Variants in DPP10 observed in about 807,000 individuals in gnomAD.
DPP10 encodes inactive dipeptidyl peptidase 10.
In DPP10, 33 loss-of-function variants were observed where a neutral mutation model predicts 120.9. The ratio of observed to expected loss-of-function variants is 0.27; its 90% CI spans 0.21 to 0.37. The LOEUF is 0.37. Ranked by LOEUF, DPP10 falls within the 10% of genes least tolerant of loss-of-function variation. The pLI is 1.00. For synonymous variants in DPP10, 337 were observed against 326.1 expected (o/e 1.03, Z -0.36); for missense variants, 816 against 942.8 (o/e 0.87, Z 1.76).
At chr2:114,935,502 A>G (rs1385565276) in intron 1 of DPP10, among the ~76,000 whole-genome samples, 1 of 152,166 alleles carries the variant, frequency 6.6e-6, no homozygotes, top group Non-Finnish European at 1.5e-5. Context: ...TATCAGAATT[A>G]TGGATAAGAT....
intron 3 of DPP10, among the ~76,000 whole-genome samples, chr2:115,371,722 A>C (rs1395952469): frequency 6.6e-6 from 1 of 152,148 alleles, no homozygotes; most frequent in Non-Finnish European, 1.5e-5. Flanking sequence ...CTGATATCCA[A>C]ATATTTTTAT....
rs1687054634 is a variant in DPP10, at chr2:115,814,909, T to A, written c.1817T>A (p.Phe606Tyr). Residue 606 changes from phenylalanine to tyrosine, a missense_variant, in exon 20 of 26, where the codon TTC becomes TAC. Transcript: ENST00000410059. ...VARFDGRGSG[F>Y]QGLKILQEIH... ...AGATTTGATGGCAGAGGAAGTGGAT[T>A]CCAGGGTCTGAAAATTTTGCAGGAG... is the stretch of plus-strand genomic sequence containing the variant. The A allele has an allele frequency of 6.2e-7, 1 of 1,613,130 alleles. No homozygotes were observed. Among genetic ancestry groups the A allele is most frequent in the East Asian group, 2.2e-5 (1 of 44,842 alleles).
chr2:115,810,285 G>A (rs1686492947), intron 19 of DPP10, among the ~76,000 whole-genome samples: 1 of 152,046 alleles, frequency 6.6e-6, no homozygotes, highest in Admixed American at 6.6e-5. Context: ...AGGTACCTCA[G>A]CAGATTGGTA....
At chr2:115,379,793 C>G (rs2106457691) in intron 3 of DPP10, among the ~76,000 whole-genome samples, 1 of 152,238 alleles carries the variant, frequency 6.6e-6, no homozygotes. Flanking sequence ...TTTATTTCTG[C>G]CTTCATTTCA....
chr2:114,573,343 A>T (rs1225079017), intron 1 of DPP10, among the ~76,000 whole-genome samples: 1 of 152,198 alleles, frequency 6.6e-6, no homozygotes, highest in African/African-American at 2.4e-5. Flanking sequence ...AAAGATCTTC[A>T]TTTGGTCAAG....
intron 1 of DPP10, among the ~76,000 whole-genome samples, chr2:115,129,107 C>G (rs961809437): frequency 2.6e-5 from 4 of 152,142 alleles, no homozygotes; most frequent in African/African-American, 9.7e-5. Context: ...TCTGTCTGGA[C>G]CAAATGATTT....
At chr2:115,696,734 T>C (rs1270138401) in intron 7 of DPP10, among the ~76,000 whole-genome samples, 1 of 152,180 alleles carries the variant, frequency 6.6e-6, no homozygotes, top group East Asian at 1.9e-4. Flanking sequence ...GTTACAATGA[T>C]TTGTAACTGC....
intron 3 of DPP10, 72 bp from the exon 4 acceptor site, chr2:115,499,438 G>A (rs952626375): frequency 1.1e-5 from 14 of 1,249,642 alleles, no homozygotes; most frequent in Admixed American, 6.3e-5. Context: ...TATTTTGCAC[G>A]TTTTCTCCCC....
At chr2:115,753,322 A>G (rs191782807) in intron 11 of DPP10, 25 bp downstream of exon 11, 277 of 1,579,102 alleles carry the variant, frequency 1.8e-4, no homozygotes, top group South Asian at 1.1e-3. Flanking sequence ...TTTTTCTTTT[A>G]TGCCTAAAAT....
chr2:114,753,177 A>G (rs1486691079), intron 1 of DPP10, among the ~76,000 whole-genome samples: 7 of 152,148 alleles, frequency 4.6e-5, no homozygotes, highest in Admixed American at 4.6e-4. Flanking sequence ...GGGACTCAAG[A>G]AAGATCAGGT....
At chr2:115,067,290 C>T (rs574198274) in intron 1 of DPP10, among the ~76,000 whole-genome samples, 1 of 151,932 alleles carries the variant, frequency 6.6e-6, no homozygotes, top group Non-Finnish European at 1.5e-5. Context: ...CTGGCTCTGT[C>T]GCCCAGGCTG....
At chr2:114,871,842 C>G (rs1031343966) in intron 1 of DPP10, among the ~76,000 whole-genome samples, 1 of 152,148 alleles carries the variant, frequency 6.6e-6, no homozygotes, top group African/African-American at 2.4e-5. Context: ...CACTCCCCAT[C>G]ACTTGCATTA....
chr2:115,445,262 A>G lies in DPP10; in HGVS notation c.272-54248A>G, dbSNP rs115037680. Among the ~76,000 whole-genome samples the G allele has an allele frequency of 3.5e-3, 532 of 152,318 alleles. 2 individuals carry two copies. Among genetic ancestry groups the G allele is most frequent in the African/African-American group, 0.012 (495 of 41,570 alleles). On this transcript the variant is annotated intron_variant, in intron 3 of 25. Coordinates refer to ENST00000410059, the MANE Select transcript of DPP10 (RefSeq NM_020868.6). ...TATAGGAGTGTGAAAACAGACTAAT[A>G]TAAGAAATTTGTACCAGAAGTGGGG...
intron 1 of DPP10, among the ~76,000 whole-genome samples, chr2:114,955,228 G>A (rs1211642184): frequency 6.6e-6 from 1 of 152,176 alleles, no homozygotes; most frequent in East Asian, 1.9e-4. Context: ...GTAACTTCCT[G>A]ATGTGGCCAT....
chr2:114,816,555 C>T lies in DPP10; in HGVS notation c.60+373717C>T, dbSNP rs150759479. Reference sequence around the variant, plus strand: ...CCACTCTTTTGAACATCTCCCCACCCCATCTCTTGATTGTGTTGCTCCGTT... The same window carrying T: ...CCACTCTTTTGAACATCTCCCCACCTCATCTCTTGATTGTGTTGCTCCGTT... On this transcript the variant is annotated intron_variant, in intron 1 of 25. Transcript: ENST00000410059. Among the ~76,000 whole-genome samples the T allele has an allele frequency of 2.1e-3, 317 of 152,302 alleles. 1 individual carries two copies. The highest frequency in any genetic ancestry group is 7.3e-3 in the African/African-American group (304 of 41,560).
At chr2:114,458,150 A>T (rs755537212) in intron 1 of DPP10, among the ~76,000 whole-genome samples, 6 of 152,208 alleles carry the variant, frequency 3.9e-5, no homozygotes, top group Non-Finnish European at 7.3e-5. Context: ...TCCATATTTC[A>T]GTCTTCCAGG....
chr2:115,045,305 C>T (rs1704979155), intron 1 of DPP10, among the ~76,000 whole-genome samples: 1 of 151,920 alleles, frequency 6.6e-6, no homozygotes, highest in African/African-American at 2.4e-5. Context: ...TATTGGAATG[C>T]CTTTGTGTGT....
chr2:115,680,247 A>C (rs916653301), intron 5 of DPP10, among the ~76,000 whole-genome samples: 2 of 151,992 alleles, frequency 1.3e-5, no homozygotes, highest in Non-Finnish European at 2.9e-5. Context: ...TATGCTTCTC[A>C]GTTTAACTAG....
At chr2:115,533,642 T>A (rs1370090039) in intron 5 of DPP10, among the ~76,000 whole-genome samples, 1 of 152,058 alleles carries the variant, frequency 6.6e-6, no homozygotes, top group Non-Finnish European at 1.5e-5. Context: ...GAGTACATAA[T>A]CTGGTTATAG....
Sources: allele counts gnomAD v4.1 joint callset (sites outside exome capture counted in the v4.1 genomes callset), GRCh38; gene constraint gnomAD v4.1.1; transcripts MANE v1.5; gene names NCBI Gene and HGNC (gene_info 2026-07-23, HGNC 2026-07-21).